Variants in MS4A3 observed in about 807,000 individuals in gnomAD.
MS4A3 encodes membrane-spanning 4-domains subfamily A member 3.
In MS4A3, 18 loss-of-function variants were observed where a neutral mutation model predicts 24.7. The ratio of observed to expected loss-of-function variants is 0.73; its 90% CI spans 0.50 to 1.08. The LOEUF is 1.08. Among genes scored for constraint, MS4A3 ranks in the 50% least tolerant of loss-of-function variants. MS4A3 has a pLI of 0.00. For synonymous variants in MS4A3, 84 were observed against 95.3 expected (o/e 0.88, Z 0.69); for missense variants, 282 against 251.7 (o/e 1.12, Z -0.82).
intron 1 of MS4A3, among the ~76,000 whole-genome samples, chr11:60,060,229 G>A (rs141315117): frequency 9.9e-5 from 15 of 152,124 alleles, no homozygotes; most frequent in Non-Finnish European, 1.3e-4. Flanking sequence ...TGAGAATTCC[G>A]TACATTATCA....
At chr11:60,065,159 C>CTGGGA (rs1364203105) in intron 4 of MS4A3, among the ~76,000 whole-genome samples, 12 of 152,024 alleles carry the variant, frequency 7.9e-5, no homozygotes, top group Non-Finnish European at 1.8e-4. Flanking sequence ...CCCACCTCAG[C>CTGGGA]CTCTCACATA....
intron 2 of MS4A3, 25 bp from the exon 3 acceptor site, chr11:60,062,443 G>C: frequency 6.2e-7 from 1 of 1,613,588 alleles, no homozygotes. Flanking sequence ...TGACTGTTAC[G>C]CCTTTTTCCC....
At chr11:60,062,632 A>G (rs760138434) in intron 3 of MS4A3, 27 bp downstream of exon 3, 1 of 1,610,460 alleles carries the variant, frequency 6.2e-7, no homozygotes, top group Non-Finnish European at 8.5e-7. Flanking sequence ...CCCTGGCTAT[A>G]TGTTATTTCT....
intron 1 of MS4A3, among the ~76,000 whole-genome samples, chr11:60,057,892 C>A (rs570934615): frequency 1.8e-4 from 27 of 152,180 alleles, no homozygotes; most frequent in African/African-American, 4.8e-4. Flanking sequence ...ATGAGAGGCT[C>A]CAGTGCTTGC....
chr11:60,061,124 T>G (rs1855265020), intron 1 of MS4A3, 22 bp from the exon 2 acceptor site: 2 of 1,535,194 alleles, frequency 1.3e-6, no homozygotes, highest in African/African-American at 2.8e-5. Context: ...CATGAAGGCT[T>G]TGGATTTCTT....
At chr11:60,056,874 G>A (rs1467467551) in intron 1 of MS4A3, 134 bp downstream of exon 1, 2 of 152,202 alleles carry the variant, frequency 1.3e-5, no homozygotes, top group African/African-American at 4.8e-5. Context: ...ATTTAACTGT[G>A]AACATGGCTT....
At position 60,063,295 on chromosome 11, in the gene MS4A3, C is replaced by A. The variant is rs117352419; in HGVS notation, c.294+690C>A. ...AAGAAATTTGTCTGCTGATTACTGT[C>A]TGAAAGTCAGAAGAATCATTTCCAT... On this transcript the variant is annotated intron_variant, in intron 3 of 6. Coordinates refer to ENST00000278865, the MANE Select transcript of MS4A3 (RefSeq NM_006138.5). Among the ~76,000 whole-genome samples the A allele has an allele frequency of 3.9e-3, 599 of 152,246 alleles. 2 individuals carry two copies. The highest frequency in any genetic ancestry group is 7.0e-3 in the Non-Finnish European group (479 of 68,020).
rs1314758330 is a variant in MS4A3, at chr11:60,061,237, C to T, written c.77C>T (p.Pro26Leu). 6.2e-7 allele frequency: 1 copy of T among 1,613,680 alleles called. No homozygotes were observed. Among genetic ancestry groups the T allele is most frequent in the African/African-American group, 1.3e-5 (1 of 74,984 alleles). ...AHGTPGSEAG[P>L]EELNTSVYQP... is the part of the protein sequence containing the mutation. The stretch of plus-strand genomic sequence containing the variant: ...GGTACCCCAGGCAGTGAGGCGGGAC[C>T]AGAAGAGCTGAATACTTCTGTCTAC... Residue 26 changes from proline to leucine, a missense_variant, in exon 2 of 7, where the codon CCA becomes CTA. Coordinates refer to ENST00000278865, the MANE Select transcript of MS4A3 (RefSeq NM_006138.5).
chr11:60,062,924 TGGGATTACAG>T (rs1431770019), intron 3 of MS4A3, among the ~76,000 whole-genome samples: 1 of 152,110 alleles, frequency 6.6e-6, no homozygotes, highest in African/African-American at 2.4e-5. Context: ...CCTGAGTGGC[TGGGATTACAG>T]GCATGCACCA....
At chr11:60,057,053 G>A (rs571760) in intron 1 of MS4A3, among the ~76,000 whole-genome samples, 88,706 of 151,954 alleles carry the variant, frequency 0.58, 26,318 homozygotes, top group East Asian at 0.78. Context: ...CAGCTCTGAT[G>A]ATGAGGGGTG....
intron 1 of MS4A3, among the ~76,000 whole-genome samples, chr11:60,058,255 C>T (rs1264259045): frequency 2.0e-5 from 3 of 151,864 alleles, no homozygotes; most frequent in Admixed American, 2.0e-4. Context: ...CGCCTGTAAT[C>T]CCAGCACTTT....
chr11:60,066,839 A>T, intron 4 of MS4A3, 112 bp from the exon 5 acceptor site: 1 of 782,202 alleles, frequency 1.3e-6, no homozygotes, highest in South Asian at 2.4e-5. Flanking sequence ...CGCATCTAGG[A>T]TATCAGTGGG....
chr11:60,063,213 A>G (rs1855305979), intron 3 of MS4A3, among the ~76,000 whole-genome samples: 3 of 152,184 alleles, frequency 2.0e-5, no homozygotes, highest in African/African-American at 7.2e-5. Flanking sequence ...AATTGAATGA[A>G]AAATGGGTAT....
At chr11:60,066,156 G>T (rs1855357904) in intron 4 of MS4A3, among the ~76,000 whole-genome samples, 1 of 152,138 alleles carries the variant, frequency 6.6e-6, no homozygotes, top group Non-Finnish European at 1.5e-5. Context: ...AGCAAATAAT[G>T]TTGGCTCTAC....
intron 1 of MS4A3, among the ~76,000 whole-genome samples, chr11:60,057,395 T>G (rs570822833): frequency 8.6e-5 from 13 of 150,738 alleles, no homozygotes; most frequent in African/African-American, 3.2e-4. Context: ...TTCTCTGATT[T>G]TGTGTGTGTG....
intron 5 of MS4A3, among the ~76,000 whole-genome samples, chr11:60,069,288 T>C (rs151165294): frequency 1.8e-3 from 274 of 152,322 alleles, no homozygotes; most frequent in African/African-American, 6.1e-3. Flanking sequence ...AAGATGTTAG[T>C]GATAATGTCA....
At chr11:60,070,075 T>C (rs1033910764) in intron 6 of MS4A3, 129 bp from the exon 7 acceptor site, 4 of 762,398 alleles carry the variant, frequency 5.2e-6, no homozygotes, top group Non-Finnish European at 9.1e-6. Flanking sequence ...ATAATCTTTA[T>C]GGCATTTGGC....
intron 5 of MS4A3, 161 bp from the exon 6 acceptor site, chr11:60,069,413 T>C: frequency 2.0e-6 from 1 of 507,088 alleles, no homozygotes; most frequent in Non-Finnish European, 3.5e-6. Flanking sequence ...ATTGAGATAC[T>C]ATCTCTTCTA....
At chr11:60,063,333 C>A (rs1045839540) in intron 3 of MS4A3, among the ~76,000 whole-genome samples, 2 of 152,176 alleles carry the variant, frequency 1.3e-5, no homozygotes, top group Admixed American at 1.3e-4. Flanking sequence ...TCTGGGTCAA[C>A]ATTCAATCAG....
Sources: allele counts gnomAD v4.1 joint callset (sites outside exome capture counted in the v4.1 genomes callset), GRCh38; gene constraint gnomAD v4.1.1; transcripts MANE v1.5; gene names NCBI Gene and HGNC (gene_info 2026-07-23, HGNC 2026-07-21).